Variants in TMEM201 observed in about 807,000 individuals in gnomAD.
The protein encoded by TMEM201 is transmembrane protein 201.
Under a neutral mutation model 63.4 loss-of-function variants are expected in TMEM201, and 26 were observed. The observed-to-expected ratio is 0.41, with a 90% CI of 0.30 to 0.57. The LOEUF is 0.57. Ranked by LOEUF, TMEM201 falls within the 20% of genes least tolerant of loss-of-function variation. TMEM201 has a pLI of 0.29. For missense variants in TMEM201, 794 were observed against 917.7 expected (o/e 0.87, Z 1.74); for synonymous variants, 417 against 421.6 (o/e 0.99, Z 0.14).
At chr1:9,592,345 C>A (rs1024015968) in intron 1 of TMEM201, among the ~76,000 whole-genome samples, 10 of 152,368 alleles carry the variant, frequency 6.6e-5, no homozygotes, top group South Asian at 4.1e-4. Context: ...TTTCCAACCC[C>A]GCACTGGGGC....
chr1:9,603,580 C>T lies in TMEM201; in HGVS notation c.1160+1308C>T, dbSNP rs749388232. The T allele has an allele frequency of 1.6e-4, 158 of 985,352 alleles. No individual in the cohort carries two copies. The highest frequency in any genetic ancestry group is 5.8e-4 in the African/African-American group (33 of 57,192). The allele number at this position is 985,352 out of a possible 1,614,324, so 61.0% of individuals were successfully genotyped here. A position where few individuals can be genotyped will look rare whatever the true frequency, so the allele number is the denominator to read the frequency against. On this transcript the variant is annotated intron_variant, in intron 6 of 10. Transcript: ENST00000340381. This position sits in a 1 kb window ranked among gnomAD's most constrained non-coding sequence, Gnocchi z 4.5. ...GGTGTGCCAGCTCCTCTCTCCTGTG[C>T]GTTGGAACCCCGGGGGAGGCAAGAG...
At chr1:9,598,394 T>A in intron 3 of TMEM201, 55 bp from the exon 4 acceptor site, 1 of 1,574,544 alleles carries the variant, frequency 6.4e-7, no homozygotes, top group Non-Finnish European at 8.7e-7. Flanking sequence ...ACCTGTAAGA[T>A]GGAGGCAGCT....
At chr1:9,601,053 G>C (rs1044742940) in intron 4 of TMEM201, 52 bp from the exon 5 acceptor site, 1 of 1,483,048 alleles carries the variant, frequency 6.7e-7, no homozygotes, top group African/African-American at 1.4e-5. Flanking sequence ...GGTGATGGCT[G>C]GGGGTGGCTC....
intron 6 of TMEM201, chr1:9,602,565 G>GT: frequency 7.5e-7 from 1 of 1,328,012 alleles, no homozygotes; most frequent in Non-Finnish European, 9.7e-7. Flanking sequence ...TGACTGGAAT[G>GT]TGGGCAGCGC....
At chr1:9,598,042 G>T (rs1373762485) in intron 3 of TMEM201, among the ~76,000 whole-genome samples, 1 of 152,212 alleles carries the variant, frequency 6.6e-6, no homozygotes. Flanking sequence ...TCAAGCGGAA[G>T]GGCAAGCGCC....
At position 9,610,008 on chromosome 1, in the gene TMEM201, C is replaced by T; in HGVS notation, c.1465+97C>T. On this transcript the variant is annotated intron_variant, in intron 8 of 10. Coordinates refer to ENST00000340381, the MANE Select transcript of TMEM201 (RefSeq NM_001130924.3). The surrounding 1 kb of genome is among the most constrained non-coding windows in gnomAD (Gnocchi z 4.9). ...GTGTGAGCTTTGGGGTCAGACAGAC[C>T]CCAAGTGTGTGTTCACATCTCAGCC... 2 of 1,182,988 alleles carry T rather than the reference C, an allele frequency of 1.7e-6. No homozygotes were observed. Among genetic ancestry groups the T allele is most frequent in the South Asian group, 2.6e-5 (2 of 75,694 alleles). 73.3% of individuals were successfully genotyped at this position (1,182,988 alleles called of 1,614,324 possible). A position where few individuals can be genotyped will look rare whatever the true frequency, so the allele number is the denominator to read the frequency against.
chr1:9,601,771 G>T (rs1426205808), intron 5 of TMEM201, among the ~76,000 whole-genome samples: 1 of 152,204 alleles, frequency 6.6e-6, no homozygotes, highest in Non-Finnish European at 1.5e-5. Flanking sequence ...GGGCCTCTGG[G>T]GTTCCCTGAG....
intron 4 of TMEM201, among the ~76,000 whole-genome samples, chr1:9,599,280 C>T (rs1048866961): frequency 1.3e-5 from 2 of 151,776 alleles, no homozygotes; most frequent in Non-Finnish European, 2.9e-5. Context: ...GACAGTTTCA[C>T]ACTGTCGCCC....
intron 4 of TMEM201, among the ~76,000 whole-genome samples, chr1:9,600,598 G>C (rs1183488727): frequency 1.3e-5 from 2 of 152,168 alleles, no homozygotes; most frequent in East Asian, 3.9e-4. Context: ...GGCCCCATGG[G>C]CATGTTGCTT....
rs750759523 is a variant in TMEM201 at position 9,596,855 on chromosome 1, G to C, written c.235-4G>C. On this transcript the variant is annotated splice_region_variant and splice_polypyrimidine_tract_variant and intron_variant, in intron 2 of 10. Transcript: ENST00000340381. ...CTGCCTCGAGTCCCACCTCTCTCCC[G>C]CAGAACGGCGACTACAACAAGCCGA... The C allele has an allele frequency of 3.2e-6, 5 of 1,579,666 alleles. No individual in the cohort carries two copies. The highest frequency in any genetic ancestry group is 3.4e-5 in the Admixed American group (2 of 58,780).
Position 9,613,153 on chromosome 1 carries a change from C to T in TMEM201, c.*70C>T. 6.8e-7 allele frequency: 1 copy of T among 1,480,540 alleles called. No homozygotes were observed. The highest frequency in any genetic ancestry group is 9.2e-7 in the Non-Finnish European group (1 of 1,092,300). 91.7% of individuals were successfully genotyped at this position (1,480,540 alleles called of 1,614,324 possible). ...GCTTCACCACTGCCGGCCTCAGGAC[C>T]CTCCCTGGAGGGGCTGCCACCTCTG... On this transcript the variant is annotated 3_prime_UTR_variant, in exon 11 of 11. Coordinates refer to ENST00000340381, the MANE Select transcript of TMEM201 (RefSeq NM_001130924.3).
intron 1 of TMEM201, among the ~76,000 whole-genome samples, chr1:9,590,917 A>C (rs1643908639): frequency 6.6e-6 from 1 of 152,148 alleles, no homozygotes; most frequent in Non-Finnish European, 1.5e-5. Context: ...GTAGGTTTTG[A>C]ATGACCCTCG....
intron 6 of TMEM201, among the ~76,000 whole-genome samples, chr1:9,606,921 GC>G (rs1469734401): frequency 2.6e-5 from 4 of 152,184 alleles, no homozygotes; most frequent in Non-Finnish European, 5.9e-5. Flanking sequence ...AGGCCTGGCT[GC>G]CCCCCAGTTC....
chr1:9,602,931 C>A, intron 6 of TMEM201: 1 of 985,576 alleles, frequency 1.0e-6, no homozygotes, highest in Non-Finnish European at 1.2e-6. Flanking sequence ...CAAGACCCTC[C>A]CGAGTCCCCG....
At position 9,611,813 on chromosome 1, in the gene TMEM201, A is replaced by G; in HGVS notation, c.1826A>G (p.Asp609Gly). ...ACSNRSIKKE[D>G]DSSQSSTCVV... Reference sequence around the variant, plus strand: ...AGCAACCGCTCCATCAAGAAAGAGGACGACTCTTCCCAGTCATCTACCTGT... The same window carrying G: ...AGCAACCGCTCCATCAAGAAAGAGGGCGACTCTTCCCAGTCATCTACCTGT... The change falls in exon 10 of 11, where the codon GAC becomes GGC. Residue 609 changes from aspartate to glycine, a missense_variant. Physicochemically the swap from Asp to Gly is moderately conservative, Grantham distance 94. Transcript: ENST00000340381. 6 of 1,550,984 alleles carry G rather than the reference A, an allele frequency of 3.9e-6. No homozygotes were observed. The highest frequency in any genetic ancestry group is 5.2e-6 in the Non-Finnish European group (6 of 1,147,018).
chr1:9,612,691 C>CA (rs753162267), intron 10 of TMEM201, among the ~76,000 whole-genome samples: 9 of 152,152 alleles, frequency 5.9e-5, no homozygotes, highest in Non-Finnish European at 1.2e-4. Context: ...GTAAAGTGGC[C>CA]ATTGTGGTCA....
Position 9,598,626 on chromosome 1 carries a change from G to A in TMEM201, c.606+1G>A, listed in dbSNP as rs1008299971. ...GGAGGCCGACCAGACCCACGCACAG[G>A]TGAGAGGCGGCATCCACAGGGCGGG... is the stretch of plus-strand genomic sequence containing the variant. On this transcript the variant is annotated splice_donor_variant, in intron 4 of 10. Transcript: ENST00000340381. LOFTEE classifies it high-confidence loss of function. 1 of 1,610,856 alleles carries A rather than the reference G, an allele frequency of 6.2e-7. No homozygotes were observed. Among genetic ancestry groups the A allele is most frequent in the African/African-American group, 1.3e-5 (1 of 74,904 alleles).
At chr1:9,597,426 T>C (rs530098897) in intron 3 of TMEM201, among the ~76,000 whole-genome samples, 34 of 152,348 alleles carry the variant, frequency 2.2e-4, no homozygotes, top group African/African-American at 7.2e-4. Flanking sequence ...GGACCCACTC[T>C]GTCCTGTTTC....
chr1:9,593,738 T>C (rs1643962008), intron 1 of TMEM201, among the ~76,000 whole-genome samples: 1 of 152,196 alleles, frequency 6.6e-6, no homozygotes, highest in South Asian at 2.1e-4. Flanking sequence ...GACCTTCCTT[T>C]TCAAACAGGG....
Sources: gnomAD v4.1 joint callset for allele counts (sites outside exome capture counted in the v4.1 genomes callset) on GRCh38, gnomAD v4.1.1 for gene constraint, Gnocchi (gnomAD v3.1) non-coding constraint, MANE v1.5 for transcripts, NCBI Gene and HGNC (gene_info 2026-07-23, HGNC 2026-07-21) for gene names.